Variants in COL28A1 observed in about 807,000 individuals in gnomAD.
The protein encoded by COL28A1 is collagen alpha-1(XXVIII) chain.
COL28A1 carries 161 observed loss-of-function variants against 150.2 expected under a neutral mutation model. The observed-to-expected ratio is 1.07, with a 90% confidence interval of 0.94 to 1.22. The LOEUF is 1.22. COL28A1 is among the 50% of genes most tolerant of loss of function. The probability of loss-of-function intolerance (pLI) is 0.00; values close to 1 mark genes in which losing one functional copy is unlikely to be tolerated. For missense variants in COL28A1, 1,617 were observed against 1,388.3 expected, an observed-to-expected ratio of 1.16 and a Z score of -2.62; for synonymous variants, 552 against 469.7, an observed-to-expected ratio of 1.18 and a Z score of -2.26.
chr7:7,392,705 A>C (rs1054065286), intron 27 of COL28A1, among the ~76,000 whole-genome samples: 7 of 152,026 alleles, frequency 4.6e-5, no homozygotes, highest in African/African-American at 1.7e-4. Context: ...TCTTGTCTTC[A>C]TGCTTTATTT....
downstream of COL28A1, among the ~76,000 whole-genome samples, chr7:7,353,345 A>C (rs1780274184): frequency 6.6e-6 from 1 of 152,208 alleles, no homozygotes; most frequent in African/African-American, 2.4e-5. Context: ...TTTTCTCTTC[A>C]GACCTTCAAC....
intron 33 of COL28A1, among the ~76,000 whole-genome samples, chr7:7,369,180 A>G (rs932568781): frequency 6.6e-6 from 1 of 152,154 alleles, no homozygotes; most frequent in Non-Finnish European, 1.5e-5. Context: ...GAGAGGGACA[A>G]AGTGGTAAGT....
chr7:7,471,379 A>G (rs955471251), intron 15 of COL28A1, among the ~76,000 whole-genome samples: 3 of 152,202 alleles, frequency 2.0e-5, no homozygotes, highest in Non-Finnish European at 4.4e-5. Context: ...TGAAGCCAGT[A>G]TCATCCTAAT....
chr7:7,358,677 A>G lies in COL28A1; in HGVS notation c.3334T>C (p.Phe1112Leu), dbSNP rs376294856. ...TCTTGACATTCCTTTTCACTGTTGAATCTATTTCCTGAGCCATTACAGCCA... is the reference window on the plus strand; with the variant it reads ...TCTTGACATTCCTTTTCACTGTTGAGTCTATTTCCTGAGCCATTACAGCCA... ...FSGCNGSGNR[F>L]NSEKECQETC... is the part of the protein sequence containing the mutation. Residue 1112 changes from phenylalanine (F) to leucine (L), a missense_variant, in exon 35 of 35, where the codon TTC (phenylalanine) becomes CTC (leucine). Phe to Leu is a conservative substitution (Grantham distance 22). Coordinates refer to ENST00000399429, the MANE Select transcript of COL28A1 (RefSeq NM_001037763.3). 72 of 1,613,892 alleles carry G rather than the reference A, an allele frequency of 4.5e-5. No individual in the cohort carries two copies. Among genetic ancestry groups the G allele is most frequent in the African/African-American group, 1.5e-4 (11 of 74,884 alleles).
the COL28A1 span, among the ~76,000 whole-genome samples, chr7:7,339,887 C>G: frequency 6.6e-6 from 1 of 152,108 alleles, no homozygotes; most frequent in Non-Finnish European, 1.5e-5. Flanking sequence ...ATGATCAGGA[C>G]TAGAAATAAC....
chr7:7,428,812 GT>G (rs1317276687), intron 25 of COL28A1, among the ~76,000 whole-genome samples: 1 of 152,196 alleles, frequency 6.6e-6, no homozygotes, highest in Non-Finnish European at 1.5e-5. Context: ...CAAAGTTGTA[GT>G]TTTTACAAGA....
Position 7,447,778 on chromosome 7 carries a change from A to G in COL28A1, c.1510-3289T>C, listed in dbSNP as rs190354654. On this transcript the variant is annotated intron_variant, in intron 18 of 34. Coordinates refer to ENST00000399429, the MANE Select transcript of COL28A1 (RefSeq NM_001037763.3). ...TAGTGAACTAACACATATAGCAATA[A>G]AAGCTATCCTAAATTAAACACAGAG... Among the ~76,000 whole-genome samples the G allele has an allele frequency of 2.1e-3, 320 of 152,338 alleles. 1 individual carries two copies. Among genetic ancestry groups the G allele is most frequent in the African/African-American group, 7.3e-3 (304 of 41,584 alleles).
At chr7:7,502,570 C>T (rs540110430) in intron 11 of COL28A1, among the ~76,000 whole-genome samples, 2 of 151,970 alleles carry the variant, frequency 1.3e-5, no homozygotes, top group Admixed American at 6.6e-5. Context: ...TAGAACCTCT[C>T]GTGGAATCTT....
At chr7:7,388,616 CCCA>C (rs58869951) in intron 27 of COL28A1, among the ~76,000 whole-genome samples, 91,656 of 151,304 alleles carry the variant, frequency 0.61, 28,772 homozygotes, top group South Asian at 0.7. Context: ...AATTTACACT[CCCA>C]CCAACACTGT....
At position 7,461,582 on chromosome 7, in the gene COL28A1, C is replaced by T. The variant is rs138073423; in HGVS notation, c.1303-5470G>A. ...AGTCAGACCAGCCCTTCAGTTTGCA[C>T]TGGAGCTAGGTTAGGACTATGACTG... is the stretch of plus-strand genomic sequence containing the variant. On this transcript the variant is annotated intron_variant, in intron 15 of 34. Coordinates refer to ENST00000399429, the MANE Select transcript of COL28A1 (RefSeq NM_001037763.3). Among the ~76,000 whole-genome samples, 706 of 152,268 alleles carry T rather than the reference C, an allele frequency of 4.6e-3. 5 individuals carry two copies. Among genetic ancestry groups the T allele is most frequent in the East Asian group, 0.022 (113 of 5,174 alleles).
At chr7:7,512,746 A>T (rs1342639495) in intron 8 of COL28A1, among the ~76,000 whole-genome samples, 1 of 152,138 alleles carries the variant, frequency 6.6e-6, no homozygotes, top group Non-Finnish European at 1.5e-5. Flanking sequence ...TTCAATTCTC[A>T]TTTTCAAGAT....
intron 1 of COL28A1, among the ~76,000 whole-genome samples, chr7:7,533,414 G>A (rs1183335053): frequency 1.3e-5 from 2 of 151,896 alleles, no homozygotes; most frequent in Non-Finnish European, 2.9e-5. Context: ...ACTTCAGTGA[G>A]TTCAGAGGTC....
At chr7:7,517,519 T>C (rs923079931) in intron 7 of COL28A1, among the ~76,000 whole-genome samples, 1 of 152,204 alleles carries the variant, frequency 6.6e-6, no homozygotes, top group Non-Finnish European at 1.5e-5. Flanking sequence ...AGCAAACAGT[T>C]TTCTCATTGG....
At chr7:7,534,349 C>G (rs1384455938) in intron 1 of COL28A1, among the ~76,000 whole-genome samples, 2 of 152,138 alleles carry the variant, frequency 1.3e-5, no homozygotes, top group Non-Finnish European at 2.9e-5. Context: ...CAAAGGCCAT[C>G]TCTCCTCAAG....
intron 8 of COL28A1, chr7:7,511,687 G>A (rs1328738036): frequency 4.3e-6 from 2 of 467,090 alleles, no homozygotes; most frequent in African/African-American, 2.0e-5. Context: ...GGAGAACCGT[G>A]AGAGAAAGGT....
At chr7:7,434,658 G>A (rs977223134) in intron 23 of COL28A1, among the ~76,000 whole-genome samples, 4 of 152,294 alleles carry the variant, frequency 2.6e-5, no homozygotes, top group African/African-American at 9.6e-5. Flanking sequence ...TTTTTATAGA[G>A]ATCTTTGTCC....
chr7:7,516,040 T>C (rs140987600), intron 7 of COL28A1, among the ~76,000 whole-genome samples, 200 bp from the exon 8 acceptor site: 159 of 152,348 alleles, frequency 1.0e-3, no homozygotes, highest in African/African-American at 1.9e-3. Flanking sequence ...AAATAATCTG[T>C]TTTCCCTTTA....
chr7:7,483,865 A>T (rs923272655), intron 13 of COL28A1, among the ~76,000 whole-genome samples: 6 of 152,162 alleles, frequency 3.9e-5, no homozygotes, highest in African/African-American at 1.4e-4. Context: ...GGCAGATTTT[A>T]AAAAATAACT....
chr7:7,540,180 T>C (rs1437632526), upstream of COL28A1, among the ~76,000 whole-genome samples: 1 of 152,240 alleles, frequency 6.6e-6, no homozygotes, highest in East Asian at 1.9e-4. Context: ...TTTTCTTTAA[T>C]TATTTTCTTT....
Sources: gnomAD v4.1 joint callset for allele counts (sites outside exome capture counted in the v4.1 genomes callset) on GRCh38, gnomAD v4.1.1 for gene constraint, MANE v1.5 for transcripts, NCBI Gene and HGNC (gene_info 2026-07-23, HGNC 2026-07-21) for gene names.